Variants in CEPT1 observed in about 807,000 individuals in gnomAD.
CEPT1 encodes choline/ethanolaminephosphotransferase 1.
In CEPT1, 7 loss-of-function variants were observed where a neutral mutation model predicts 42.6. That is an observed-to-expected ratio of 0.16 (90% confidence interval 0.09 to 0.31). The LOEUF (loss-of-function observed/expected upper bound fraction) is 0.31, where lower values mean the gene tolerates loss of function less well. Ranked by LOEUF, CEPT1 falls within the 10% of genes least tolerant of loss-of-function variation. CEPT1 has a pLI of 1.00. For missense variants in CEPT1, 306 were observed against 502.1 expected, an observed-to-expected ratio of 0.61 and a Z score of 3.73; for synonymous variants, 171 against 171.9, an observed-to-expected ratio of 0.99 and a Z score of 0.04.
intron 4 of CEPT1, among the ~76,000 whole-genome samples, chr1:111,165,337 T>C (rs542265064): frequency 1.3e-4 from 20 of 151,840 alleles, no homozygotes; most frequent in Admixed American, 5.2e-4. Flanking sequence ...CGTGAGCCAC[T>C]GCGCCCGGCC....
At chr1:111,159,804 A>C (rs1655777077) in intron 3 of CEPT1, 2 of 263,250 alleles carry the variant, frequency 7.6e-6, no homozygotes, top group African/African-American at 2.3e-5. Context: ...CAAAACTCTT[A>C]TGAACTAAAT....
In CEPT1 at chr1:111,184,977, G is replaced by T. The variant is rs1657194011; in HGVS notation, c.*667G>T. 1 of 149,018 alleles carries T rather than the reference G, an allele frequency of 6.7e-6. No homozygotes were observed. The highest frequency in any genetic ancestry group is 1.5e-5 in the Non-Finnish European group (1 of 67,394). 9.2% of individuals were successfully genotyped at this position (149,018 alleles called of 1,614,324 possible). Reference sequence around the variant, plus strand: ...ATTTTATTTTTTTAAATAAATATATGATCTAAAAGCCAACTTTTTCTCAGT... The same window carrying T: ...ATTTTATTTTTTTAAATAAATATATTATCTAAAAGCCAACTTTTTCTCAGT... On this transcript the variant is annotated 3_prime_UTR_variant, in exon 9 of 9. Transcript: ENST00000357172.
chr1:111,179,136 T>C (rs1211371159), intron 5 of CEPT1: 1 of 152,236 alleles, frequency 6.6e-6, no homozygotes, highest in African/African-American at 2.4e-5. Context: ...CTAACTGATA[T>C]TAGTCTGCAT....
At chr1:111,161,926 G>A (rs998482566) in intron 4 of CEPT1, among the ~76,000 whole-genome samples, 1 of 152,200 alleles carries the variant, frequency 6.6e-6, no homozygotes, top group African/African-American at 2.4e-5. Context: ...AGAGTAAATA[G>A]TGTTTTTAGA....
chr1:111,182,509 CTT>C (rs1657039639), intron 6 of CEPT1, 191 bp downstream of exon 6: 1 of 624,098 alleles, frequency 1.6e-6, no homozygotes, highest in Non-Finnish European at 2.7e-6. Flanking sequence ...TATATTCATA[CTT>C]TTATGCATAC....
chr1:111,165,402 T>C (rs760035651), intron 4 of CEPT1, among the ~76,000 whole-genome samples: 3 of 152,294 alleles, frequency 2.0e-5, no homozygotes, highest in Non-Finnish European at 4.4e-5. Context: ...AGAACTCACT[T>C]AAATTATTTC....
intron 5 of CEPT1, among the ~76,000 whole-genome samples, chr1:111,175,698 T>C (rs1355078046): frequency 6.6e-6 from 1 of 152,226 alleles, no homozygotes; most frequent in Non-Finnish European, 1.5e-5. Flanking sequence ...GGAGTTAATA[T>C]ATTGTGTAAA....
intron 5 of CEPT1, chr1:111,181,712 C>T (rs1301210034): frequency 6.6e-6 from 1 of 152,228 alleles, no homozygotes; most frequent in Non-Finnish European, 1.5e-5. Context: ...ATTCTCTATA[C>T]TCTGCAGATT....
At position 111,167,085 on chromosome 1, in the gene CEPT1, TG is replaced by T. The variant is rs1656180443; in HGVS notation, c.629+5790del. On this transcript the variant is annotated intron_variant, in intron 4 of 8. Coordinates refer to ENST00000357172, the MANE Select transcript of CEPT1 (RefSeq NM_006090.5). ...AGTTCTGAGTAAAGTTATTTTGAAATGTTTGTTTCCTTATGCATAGATTCGA... is the reference window on the plus strand; with the variant it reads ...AGTTCTGAGTAAAGTTATTTTGAAATTTTGTTTCCTTATGCATAGATTCGA... 4.1e-6 allele frequency: 4 copies of T among 982,630 alleles called. No homozygotes were observed. In the Admixed American group the frequency reaches 2.5e-4, roughly 60 times the overall value. 60.9% of individuals were successfully genotyped at this position (982,630 alleles called of 1,614,324 possible). A position where few individuals can be genotyped will look rare whatever the true frequency, so the allele number is the denominator to read the frequency against.
At chr1:111,166,934 A>G (rs1656172848) in intron 4 of CEPT1, among the ~76,000 whole-genome samples, 1 of 152,162 alleles carries the variant, frequency 6.6e-6, no homozygotes, top group Admixed American at 6.5e-5. Context: ...AGAACTATGT[A>G]TGTATGTATA....
chr1:111,159,628 T>C, intron 3 of CEPT1, 101 bp downstream of exon 3: 1 of 874,540 alleles, frequency 1.1e-6, no homozygotes, highest in Non-Finnish European at 1.6e-6. Flanking sequence ...TAAGTAATTT[T>C]GTATTAAATT....
rs745397462 is a variant in CEPT1 at position 111,174,906 on chromosome 1, C to T, written c.657C>T (p.Phe219=). The T allele has an allele frequency of 1.2e-6, 2 of 1,612,644 alleles. No individual in the cohort carries two copies. Among genetic ancestry groups the T allele is most frequent in the Non-Finnish European group, 1.7e-6 (2 of 1,178,896 alleles). Residue 219 remains phenylalanine (F), a synonymous_variant, in exon 5 of 9, where the codon TTC becomes TTT. Coordinates refer to ENST00000357172, the MANE Select transcript of CEPT1 (RefSeq NM_006090.5). ...GIIDVTEVQI[F]IIIMHLLAVI... is the part of the protein sequence containing the mutation. ...TTGATGTGACTGAAGTGCAAATCTT[C>T]ATAATAATCATGCATTTGCTGGCAG...
At chr1:111,159,713 ACT>A in intron 3 of CEPT1, 186 bp downstream of exon 3, 1 of 451,804 alleles carries the variant, frequency 2.2e-6, no homozygotes, top group Non-Finnish European at 3.8e-6. Flanking sequence ...TTTAGAAATT[ACT>A]TTCTGCTTGT....
At position 111,182,290 on chromosome 1, in the gene CEPT1, G is replaced by A. The variant is rs1174296319; in HGVS notation, c.818G>A (p.Gly273Asp). 6.2e-7 allele frequency: 1 copy of A among 1,613,078 alleles called. No individual in the cohort carries two copies. The highest frequency in any genetic ancestry group is 8.5e-7 in the Non-Finnish European group (1 of 1,179,486). Residue 273 changes from glycine to aspartate, a missense_variant, in exon 6 of 9, where the codon GGT becomes GAT. This residue lies in a region of CEPT1 where 253 missense variants were observed against 447.3 expected (regional missense o/e 0.57). Transcript: ENST00000357172. ...TACTTCCGTGTAATCTTCACAGGTG[G>A]TGTTGGCAAAAATGGATCAACAATA... ...TNYFRVIFTG[G>D]VGKNGSTIAG...
At chr1:111,183,282 A>T (rs1050201094) in intron 7 of CEPT1, among the ~76,000 whole-genome samples, 180 bp from the exon 8 acceptor site, 2 of 152,210 alleles carry the variant, frequency 1.3e-5, no homozygotes, top group Non-Finnish European at 2.9e-5. Context: ...GGGTTAGTTG[A>T]CATGATACAT....
chr1:111,160,949 T>G (rs1422162911), intron 3 of CEPT1: 2 of 566,204 alleles, frequency 3.5e-6, no homozygotes, highest in Non-Finnish European at 3.0e-6. Flanking sequence ...ACTAAGTGAT[T>G]TGGTAAAAAA....
At chr1:111,166,358 A>G (rs1180129749) in intron 4 of CEPT1, among the ~76,000 whole-genome samples, 1 of 152,202 alleles carries the variant, frequency 6.6e-6, no homozygotes, top group African/African-American at 2.4e-5. Flanking sequence ...TGTGTTTCCA[A>G]ACTTTTTAAG....
chr1:111,149,163 C>T (rs1655130586), intron 2 of CEPT1, among the ~76,000 whole-genome samples: 1 of 151,674 alleles, frequency 6.6e-6, no homozygotes, highest in Non-Finnish European at 1.5e-5. Flanking sequence ...CATGTGATTT[C>T]TGTTATTTTC....
chr1:111,161,023 T>C, intron 3 of CEPT1, 132 bp from the exon 4 acceptor site: 1 of 887,664 alleles, frequency 1.1e-6, no homozygotes. Flanking sequence ...TATCCTACTT[T>C]TCTGTTACAA....
Sources: gnomAD v4.1 joint callset for allele counts (sites outside exome capture counted in the v4.1 genomes callset) on GRCh38, gnomAD v4.1.1 for gene constraint, gnomAD v4.1.1 regional missense constraint, MANE v1.5 for transcripts, NCBI Gene and HGNC (gene_info 2026-07-23, HGNC 2026-07-21) for gene names.